NRG1: variants seen among roughly 807,000 people sequenced by gnomAD.
NRG1 encodes the protein pro-neuregulin-1, membrane-bound isoform.
In NRG1, 18 loss-of-function variants were observed where a neutral mutation model predicts 63.8. The ratio of observed to expected loss-of-function variants is 0.28; its 90% CI spans 0.19 to 0.42. The LOEUF (loss-of-function observed/expected upper bound fraction) is 0.42. Ranked by LOEUF, NRG1 falls within the 10% of genes least tolerant of loss-of-function variation. The pLI, the probability that NRG1 is intolerant of heterozygous loss-of-function variation, is 1.00. For synonymous variants in NRG1, 302 were observed against 301.3 expected (o/e 1.00, Z -0.02); for missense variants, 762 against 814.7 (o/e 0.94, Z 0.79).
chr8:32,342,236 C>A (rs1395447528), intron 1 of NRG1, among the ~76,000 whole-genome samples: 1 of 152,068 alleles, frequency 6.6e-6, no homozygotes, highest in East Asian at 1.9e-4. Flanking sequence ...AGCATGGCAG[C>A]CAAAATAGCT....
chr8:32,005,493 C>T (rs1813627667), intron 1 of NRG1, among the ~76,000 whole-genome samples: 1 of 151,958 alleles, frequency 6.6e-6, no homozygotes, highest in Non-Finnish European at 1.5e-5. Context: ...TAAATTAAAT[C>T]TTTCAAAATA....
chr8:31,734,678 C>A (rs1814473931), intron 1 of NRG1, among the ~76,000 whole-genome samples: 3 of 152,106 alleles, frequency 2.0e-5, no homozygotes, highest in Admixed American at 2.0e-4. Context: ...TATATTTTCC[C>A]CCAGTTTTCT....
chr8:31,660,957 G>T (rs1805932461), intron 1 of NRG1, among the ~76,000 whole-genome samples: 1 of 152,072 alleles, frequency 6.6e-6, no homozygotes, highest in Admixed American at 6.5e-5. Flanking sequence ...TAAAGCTATT[G>T]CAGTACCTAA....
chr8:31,860,175 G>A (rs1828340355), intron 1 of NRG1, among the ~76,000 whole-genome samples: 1 of 152,136 alleles, frequency 6.6e-6, no homozygotes, highest in Non-Finnish European at 1.5e-5. Context: ...GCCATTCCTG[G>A]GTTTTGCTTT....
rs3052833 is a variant in NRG1, at chr8:31,897,860, C to CAAAAA, written c.37+258435_37+258439dup. Among the ~76,000 whole-genome samples the CAAAAA allele has an allele frequency of 3.4e-3, 495 of 146,918 alleles. 1 individual carries two copies. Among genetic ancestry groups the CAAAAA allele is most frequent in the South Asian group, 7.0e-3 (32 of 4,592 alleles). On this transcript the variant is annotated intron_variant, in intron 1 of 10. Transcript: ENST00000519301. ...TGAAACCCTATTTCTACTAAAAATA[C>CAAAAA]AAAAAAAAAATGAGCTAGGCGTGGT... is the stretch of plus-strand genomic sequence containing the variant.
intron 1 of NRG1, among the ~76,000 whole-genome samples, chr8:32,374,068 A>G (rs1809299123): frequency 6.6e-6 from 1 of 152,224 alleles, no homozygotes; most frequent in Non-Finnish European, 1.5e-5. Context: ...TAAAACAAAC[A>G]AGTAAAAGAA....
intron 1 of NRG1, among the ~76,000 whole-genome samples, chr8:32,369,206 C>T (rs1336214730): frequency 6.6e-6 from 1 of 152,182 alleles, no homozygotes; most frequent in Non-Finnish European, 1.5e-5. Flanking sequence ...GGGTTTTTTA[C>T]TTTTCATTTT....
chr8:31,751,262 T>C (rs1816430912), intron 1 of NRG1, among the ~76,000 whole-genome samples: 1 of 151,996 alleles, frequency 6.6e-6, no homozygotes, highest in Admixed American at 6.6e-5. Context: ...CTGAAATTTG[T>C]AAATTAGTCC....
intron 1 of NRG1, among the ~76,000 whole-genome samples, chr8:32,526,918 T>G (rs73234123): frequency 6.6e-6 from 1 of 151,996 alleles, no homozygotes; most frequent in Non-Finnish European, 1.5e-5. Context: ...TTTGTAGCCC[T>G]TCACTCTTCT....
At chr8:32,283,066 G>C (rs1430332484) in intron 1 of NRG1, among the ~76,000 whole-genome samples, 1 of 152,054 alleles carries the variant, frequency 6.6e-6, no homozygotes, top group Non-Finnish European at 1.5e-5. Context: ...AAGCTAAAGG[G>C]CATGTGAATT....
chr8:32,137,587 A>G (rs568410724), intron 1 of NRG1, among the ~76,000 whole-genome samples: 77 of 152,292 alleles, frequency 5.1e-4, no homozygotes, highest in African/African-American at 1.8e-3. Flanking sequence ...GATTCCAAGT[A>G]TTTGACGATC....
At chr8:32,749,458 G>A in intron 7 of NRG1, 2 of 1,157,756 alleles carry the variant, frequency 1.7e-6, no homozygotes, top group South Asian at 1.2e-5. Context: ...TGCACAGAGA[G>A]CCATAATAGT....
intron 1 of NRG1, among the ~76,000 whole-genome samples, chr8:32,412,650 G>A (rs904450173): frequency 6.6e-6 from 1 of 151,598 alleles, no homozygotes; most frequent in African/African-American, 2.4e-5. Context: ...CACCTAACCT[G>A]ATGCACACTG....
At chr8:32,647,145 C>T (rs1853749291) in intron 5 of NRG1, 1 of 985,342 alleles carries the variant, frequency 1.0e-6, no homozygotes, top group Non-Finnish European at 1.2e-6. Context: ...AGGGCAGGCA[C>T]CTGCTGCTCT....
chr8:32,711,381 A>G (rs754707430), intron 5 of NRG1, among the ~76,000 whole-genome samples: 14 of 152,148 alleles, frequency 9.2e-5, no homozygotes, highest in Non-Finnish European at 1.2e-4. Flanking sequence ...GCTTTACTAT[A>G]CAGATAACTC....
chr8:32,039,810 G>C (rs1409043344), intron 1 of NRG1, among the ~76,000 whole-genome samples: 1 of 151,868 alleles, frequency 6.6e-6, no homozygotes, highest in African/African-American at 2.4e-5. Flanking sequence ...CTTGAGACCA[G>C]GAGTTCGAGA....
intron 1 of NRG1, among the ~76,000 whole-genome samples, chr8:31,876,359 A>G (rs1198693069): frequency 6.6e-6 from 1 of 152,190 alleles, no homozygotes. Flanking sequence ...GGAGGTCATC[A>G]ATTTCTGTTT....
intron 1 of NRG1, among the ~76,000 whole-genome samples, chr8:31,713,609 T>C (rs532165543): frequency 6.6e-6 from 1 of 152,306 alleles, no homozygotes; most frequent in Non-Finnish European, 1.5e-5. Flanking sequence ...ACCTTTGCCC[T>C]ATTGACAGGA....
At chr8:31,761,902 G>GT (rs1817600922) in intron 1 of NRG1, among the ~76,000 whole-genome samples, 1 of 152,148 alleles carries the variant, frequency 6.6e-6, no homozygotes, top group Admixed American at 6.5e-5. Flanking sequence ...AAAAAATACA[G>GT]TATCTTTCAA....
Sources: allele counts gnomAD v4.1 joint callset (sites outside exome capture counted in the v4.1 genomes callset), GRCh38; gene constraint gnomAD v4.1.1; transcripts MANE v1.5; gene names NCBI Gene and HGNC (gene_info 2026-07-23, HGNC 2026-07-21).